The following PAX7 variants were observed in gnomAD, a reference collection of about 807,000 sequenced individuals.
The protein encoded by PAX7 is paired box protein Pax-7.
Under a neutral mutation model 50.7 loss-of-function variants are expected in PAX7, and 18 were observed. The observed-to-expected ratio is 0.36, with a 90% CI of 0.25 to 0.53. The LOEUF is 0.53. PAX7 is among the 20% of genes least tolerant of loss of function. The pLI is 0.93. For missense variants in PAX7, 644 were observed against 702.9 expected, an observed-to-expected ratio of 0.92 and a Z score of 0.95; for synonymous variants, 310 against 290.4, an observed-to-expected ratio of 1.07 and a Z score of -0.69.
At chr1:18,653,890 C>T (rs576501216) in intron 4 of PAX7, among the ~76,000 whole-genome samples, 16 of 152,190 alleles carry the variant, frequency 1.1e-4, no homozygotes, top group Admixed American at 1.0e-3. Flanking sequence ...AAGGTCTAAA[C>T]GCCAGCGTCG....
intron 4 of PAX7, among the ~76,000 whole-genome samples, chr1:18,671,779 C>T (rs2088753008): frequency 6.7e-6 from 1 of 150,108 alleles, no homozygotes; most frequent in Non-Finnish European, 1.5e-5. Flanking sequence ...AGGCCAGGAG[C>T]TGGCATAGCA....
In PAX7 at chr1:18,670,629, G is replaced by C. The variant is rs190387300; in HGVS notation, c.587-21125G>C. On this transcript the variant is annotated intron_variant, in intron 4 of 8. Coordinates refer to ENST00000420770, the MANE Select transcript of PAX7 (RefSeq NM_001135254.2). The stretch of plus-strand genomic sequence containing the variant: ...TCAGGGCCCAGACCTGCAGCCCCAG[G>C]CATCCGTCCGTCAGTCTATCTGTCC... Among the ~76,000 whole-genome samples, 190 of 152,236 alleles carry C rather than the reference G, an allele frequency of 1.2e-3. 2 individuals carry two copies. The highest frequency in any genetic ancestry group is 4.5e-3 in the African/African-American group (188 of 41,554).
In PAX7 at chr1:18,643,433, G is replaced by A. The variant is rs186160466; in HGVS notation, c.586+7062G>A. Among the ~76,000 whole-genome samples, 621 of 152,354 alleles carry A rather than the reference G, an allele frequency of 4.1e-3. 4 individuals are homozygous for A. The highest frequency in any genetic ancestry group is 0.013 in the African/African-American group (554 of 41,582). On this transcript the variant is annotated intron_variant, in intron 4 of 8. Transcript: ENST00000420770. ...GAGCTAGAAAATTCAGAGTGAGAAA[G>A]TCTGAGCGCAGCAGAAGAGAATCTT...
At chr1:18,713,997 G>A (rs180730620) in intron 7 of PAX7, among the ~76,000 whole-genome samples, 9 of 152,236 alleles carry the variant, frequency 5.9e-5, no homozygotes, top group Non-Finnish European at 1.2e-4. Context: ...GATCACTTGA[G>A]GCCGGGAGTT....
intron 4 of PAX7, among the ~76,000 whole-genome samples, chr1:18,671,347 T>A (rs2088745804): frequency 6.6e-6 from 1 of 152,164 alleles, no homozygotes; most frequent in East Asian, 1.9e-4. Flanking sequence ...CTTGAGACAT[T>A]GTGAGTCATT....
intron 7 of PAX7, among the ~76,000 whole-genome samples, chr1:18,722,427 T>C (rs1239859993): frequency 6.6e-6 from 1 of 152,200 alleles, no homozygotes; most frequent in Non-Finnish European, 1.5e-5. Context: ...GCCTCTTGTT[T>C]GTTTGGTACG....
intron 4 of PAX7, among the ~76,000 whole-genome samples, chr1:18,677,533 C>G (rs1394123569): frequency 6.6e-6 from 1 of 152,174 alleles, no homozygotes; most frequent in African/African-American, 2.4e-5. Flanking sequence ...CTTCTCTGTA[C>G]ACCTTGTTAG....
rs548308018 is a variant in PAX7, at chr1:18,631,642, G to A, written c.39G>A (p.Arg13=). ...ALPGTVPRMM[R]PAPGQNYPRT... is the part of the protein sequence containing the mutation. Reference sequence around the variant, plus strand: ...CCGGCACGGTACCGAGAATGATGCGGCCGGCTCCGGGGCAGAACTACCCCC... The same window carrying A: ...CCGGCACGGTACCGAGAATGATGCGACCGGCTCCGGGGCAGAACTACCCCC... Residue 13 remains arginine, a synonymous_variant, in exon 1 of 9, where the codon CGG becomes CGA. Transcript: ENST00000420770. 1 of 1,613,278 alleles carries A rather than the reference G, an allele frequency of 6.2e-7. No homozygotes were observed. Among genetic ancestry groups the A allele is most frequent in the Admixed American group, 1.7e-5 (1 of 59,998 alleles).
chr1:18,690,196 T>A (rs2089046810), intron 4 of PAX7, among the ~76,000 whole-genome samples: 4 of 151,068 alleles, frequency 2.6e-5, no homozygotes, highest in Non-Finnish European at 4.4e-5. Context: ...GGGGAAGGAG[T>A]GAATGAGTCA....
In PAX7 at chr1:18,634,464, G is replaced by A. The variant is rs1017007269; in HGVS notation, c.247G>A (p.Val83Ile). The change falls in exon 2 of 9, where the codon GTC (valine) becomes ATC (isoleucine). Residue 83 changes from valine to isoleucine, a missense_variant. Coordinates refer to ENST00000420770, the MANE Select transcript of PAX7 (RefSeq NM_001135254.2). This position sits in a 1 kb window ranked among gnomAD's most constrained non-coding sequence, Gnocchi z 4.0. ...ACAGCTGCGTGTCTCCCACGGCTGC[G>A]TCTCCAAGATTCTTTGCCGCTACCA... ...SRQLRVSHGC[V>I]SKILCRYQET... 11 of 1,614,070 alleles carry A rather than the reference G, an allele frequency of 6.8e-6. No homozygotes were observed. Among genetic ancestry groups the A allele is most frequent in the East Asian group, 2.2e-5 (1 of 44,892 alleles).
intron 5 of PAX7, among the ~76,000 whole-genome samples, chr1:18,699,474 G>A (rs994608180): frequency 1.3e-5 from 2 of 152,106 alleles, no homozygotes; most frequent in African/African-American, 4.8e-5. Flanking sequence ...CCTCAAGGCA[G>A]CCCCAGTGTG....
At chr1:18,662,359 C>T (rs549939757) in intron 4 of PAX7, among the ~76,000 whole-genome samples, 1 of 152,184 alleles carries the variant, frequency 6.6e-6, no homozygotes, top group Non-Finnish European at 1.5e-5. Flanking sequence ...GGTGTGGTTC[C>T]ATGAGGCGAC....
intron 4 of PAX7, among the ~76,000 whole-genome samples, chr1:18,689,884 G>A (rs150964432): frequency 5.9e-5 from 9 of 152,362 alleles, no homozygotes; most frequent in Non-Finnish European, 1.3e-4. Flanking sequence ...GTTGCGGGGA[G>A]GAGGGGGTTG....
At chr1:18,682,223 G>GGA (rs1239126465) in intron 4 of PAX7, among the ~76,000 whole-genome samples, 1 of 152,120 alleles carries the variant, frequency 6.6e-6, no homozygotes, top group African/African-American at 2.4e-5. Flanking sequence ...TCAGTCACTG[G>GGA]GAGAGAGTGT....
intron 7 of PAX7, among the ~76,000 whole-genome samples, chr1:18,720,008 G>A (rs1261658474): frequency 6.6e-6 from 1 of 152,218 alleles, no homozygotes. Context: ...TGAGCCCCGT[G>A]GTCAGCAGCA....
At chr1:18,688,709 T>C (rs964155452) in intron 4 of PAX7, among the ~76,000 whole-genome samples, 7 of 151,940 alleles carry the variant, frequency 4.6e-5, no homozygotes, top group Non-Finnish European at 1.0e-4. Context: ...AAGACCAGAG[T>C]TCGAGACTAG....
intron 4 of PAX7, among the ~76,000 whole-genome samples, chr1:18,641,022 G>A (rs2088244990): frequency 6.6e-6 from 1 of 152,262 alleles, no homozygotes; most frequent in African/African-American, 2.4e-5. Flanking sequence ...GGCGGGAGCA[G>A]AGACTAACGA....
chr1:18,720,651 T>G (rs1570224946), intron 7 of PAX7, among the ~76,000 whole-genome samples: 6 of 139,960 alleles, frequency 4.3e-5, no homozygotes, highest in Admixed American at 7.2e-5. Context: ...AGAAGGGAGG[T>G]GGGTGTGGAT....
At chr1:18,708,305 C>T (rs1431627746) in intron 7 of PAX7, among the ~76,000 whole-genome samples, 1 of 152,078 alleles carries the variant, frequency 6.6e-6, no homozygotes, top group East Asian at 1.9e-4. Flanking sequence ...TCTGTAGTCC[C>T]AGCACTTTGG....
Sources: allele counts gnomAD v4.1 joint callset (sites outside exome capture counted in the v4.1 genomes callset), GRCh38; gene constraint gnomAD v4.1.1; non-coding constraint Gnocchi (gnomAD v3.1); transcripts MANE v1.5; gene names NCBI Gene and HGNC (gene_info 2026-07-23, HGNC 2026-07-21).